KLF12: variants seen among roughly 807,000 people sequenced by gnomAD.
The protein encoded by KLF12 is KLF transcription factor 12, also known as Krueppel-like factor 12.
A neutral mutation model predicts 37.8 loss-of-function variants in KLF12; 9 were observed. The observed-to-expected ratio is 0.24, with a 90% CI of 0.14 to 0.42. The LOEUF (loss-of-function observed/expected upper bound fraction) is 0.42, where lower values mean the gene tolerates loss of function less well. Among genes scored for constraint, KLF12 ranks in the 10% least tolerant of loss-of-function variants. The pLI, the probability that KLF12 is intolerant of heterozygous loss-of-function variation, is 1.00. For synonymous variants in KLF12, 208 were observed against 202.1 expected (o/e 1.03, Z -0.25); for missense variants, 411 against 516.0 (o/e 0.80, Z 1.97).
At chr13:74,289,734 G>C in the KLF12 span, among the ~76,000 whole-genome samples, 398 of 152,294 alleles carry the variant, frequency 2.6e-3, no homozygotes, top group African/African-American at 9.0e-3. Context: ...GATTTTGACA[G>C]ATGACAATAG....
At position 73,747,244 on chromosome 13, in the gene KLF12, A is replaced by G. The variant is rs76883785; in HGVS notation, c.869+17694T>C. Among the ~76,000 whole-genome samples the G allele has an allele frequency of 5.4e-4, 82 of 152,298 alleles. No homozygotes were observed. In the East Asian group the frequency reaches 0.016, roughly 29 times the overall value. The stretch of plus-strand genomic sequence containing the variant: ...CCTTACATGCACACAATTGAGGGCC[A>G]TGACAAAAAGACATGGCAGGGATCC... On this transcript the variant is annotated intron_variant, in intron 6 of 7. Transcript: ENST00000377669.
chr13:74,047,557 A>AC (rs1251715296), intron 1 of KLF12, among the ~76,000 whole-genome samples: 2 of 151,640 alleles, frequency 1.3e-5, no homozygotes, highest in Non-Finnish European at 2.9e-5. Flanking sequence ...AGATCCAGCC[A>AC]CTGCATTCCA....
intron 2 of KLF12, among the ~76,000 whole-genome samples, chr13:73,970,250 G>A (rs1209064964): frequency 2.6e-5 from 4 of 152,080 alleles, no homozygotes; most frequent in Non-Finnish European, 5.9e-5. Context: ...CTCTAAAAAT[G>A]GAGATACTAT....
the KLF12 span, among the ~76,000 whole-genome samples, chr13:74,300,687 G>A: frequency 6.6e-6 from 1 of 152,062 alleles, no homozygotes; most frequent in Admixed American, 6.6e-5. Context: ...ATTCATCCTT[G>A]CAGTTTGAGA....
intron 4 of KLF12, among the ~76,000 whole-genome samples, chr13:73,817,310 T>C (rs1203022014): frequency 1.7e-5 from 2 of 120,824 alleles, no homozygotes; most frequent in Non-Finnish European, 1.7e-5. Context: ...CAGAGTGAGA[T>C]CCTGTTTCAA....
the KLF12 span, among the ~76,000 whole-genome samples, chr13:74,181,108 C>T: frequency 1.6e-4 from 25 of 152,124 alleles, no homozygotes; most frequent in African/African-American, 6.0e-4. Flanking sequence ...AAGCAATTCT[C>T]CTGCCTCAGC....
intron 3 of KLF12, among the ~76,000 whole-genome samples, chr13:73,850,887 G>A (rs1885302562): frequency 6.6e-6 from 1 of 152,192 alleles, no homozygotes; most frequent in Admixed American, 6.5e-5. Flanking sequence ...CATAGCTCAT[G>A]GCTTAACTGT....
chr13:74,068,623 C>G (rs1874054118), intron 1 of KLF12, among the ~76,000 whole-genome samples: 1 of 148,044 alleles, frequency 6.8e-6, no homozygotes, highest in South Asian at 2.1e-4. Context: ...GTGGTGCAAT[C>G]TCAGCACACT....
At chr13:73,877,503 T>C (rs1886768700) in intron 3 of KLF12, among the ~76,000 whole-genome samples, 2 of 152,220 alleles carry the variant, frequency 1.3e-5, no homozygotes, top group Admixed American at 1.3e-4. Context: ...TTTCACAGAA[T>C]TATAGTGAGT....
intron 3 of KLF12, among the ~76,000 whole-genome samples, chr13:73,904,689 G>A (rs1178728073): frequency 6.6e-6 from 1 of 151,952 alleles, no homozygotes; most frequent in Non-Finnish European, 1.5e-5. Flanking sequence ...TTCAATGTCT[G>A]AGTTTATTAC....
the KLF12 span, among the ~76,000 whole-genome samples, chr13:74,154,478 G>A: frequency 6.6e-6 from 1 of 152,080 alleles, no homozygotes; most frequent in African/African-American, 2.4e-5. Context: ...ATACACCATG[G>A]GTTAAGTTGT....
chr13:74,156,181 T>C, the KLF12 span, among the ~76,000 whole-genome samples: 6 of 152,250 alleles, frequency 3.9e-5, no homozygotes, highest in Non-Finnish European at 8.8e-5. Flanking sequence ...AAATCTCCCC[T>C]GAATATAGGA....
chr13:74,206,631 G>C, the KLF12 span, among the ~76,000 whole-genome samples: 1 of 152,094 alleles, frequency 6.6e-6, no homozygotes, highest in Non-Finnish European at 1.5e-5. Context: ...TTATAACAGG[G>C]AAAATAAAAA....
intron 1 of KLF12, among the ~76,000 whole-genome samples, chr13:74,094,316 T>C (rs1477808207): frequency 1.3e-5 from 2 of 152,126 alleles, no homozygotes; most frequent in Non-Finnish European, 2.9e-5. Flanking sequence ...ATTTAGAAAA[T>C]AGTTCTTGGC....
At chr13:74,006,437 G>A (rs970576488) in intron 1 of KLF12, among the ~76,000 whole-genome samples, 1 of 152,026 alleles carries the variant, frequency 6.6e-6, no homozygotes, top group Non-Finnish European at 1.5e-5. Flanking sequence ...ACTCCCAAAG[G>A]AACACCTTTG....
At chr13:73,838,665 ACT>A (rs1884569849) in intron 4 of KLF12, among the ~76,000 whole-genome samples, 1 of 136,664 alleles carries the variant, frequency 7.3e-6, no homozygotes, top group Non-Finnish European at 1.6e-5. Flanking sequence ...ATGCTGATAG[ACT>A]CTGCGCTGCT....
intron 7 of KLF12, among the ~76,000 whole-genome samples, chr13:73,708,232 G>T (rs1566309829): frequency 6.6e-6 from 1 of 152,072 alleles, no homozygotes; most frequent in African/African-American, 2.4e-5. Context: ...AATTTTTAAG[G>T]TTAGAGGTGT....
chr13:73,898,381 A>C (rs1887887176), intron 3 of KLF12, among the ~76,000 whole-genome samples: 1 of 152,198 alleles, frequency 6.6e-6, no homozygotes, highest in Non-Finnish European at 1.5e-5. Flanking sequence ...ATACTTGTAG[A>C]ATGTTTCCTA....
At chr13:74,185,139 G>A in the KLF12 span, among the ~76,000 whole-genome samples, 2 of 152,090 alleles carry the variant, frequency 1.3e-5, no homozygotes, top group Non-Finnish European at 2.9e-5. Flanking sequence ...ATGGAGTTGA[G>A]GTACCCAATT....
Sources: gnomAD v4.1 joint callset for allele counts (sites outside exome capture counted in the v4.1 genomes callset) on GRCh38, gnomAD v4.1.1 for gene constraint, MANE v1.5 for transcripts, NCBI Gene and HGNC (gene_info 2026-07-23, HGNC 2026-07-21) for gene names.